TNR: variants seen among roughly 807,000 people sequenced by gnomAD.
TNR encodes the protein tenascin-R.
In TNR, 45 loss-of-function variants were observed where a neutral mutation model predicts 150.4. The observed-to-expected ratio is 0.30, with a 90% CI of 0.24 to 0.38. The LOEUF is 0.38. TNR is among the 10% of genes least tolerant of loss of function. The pLI is 1.00. For missense variants in TNR, 1,544 were observed against 1,759.1 expected (o/e 0.88, Z 2.19); for synonymous variants, 687 against 678.4 (o/e 1.01, Z -0.20).
At chr1:175,661,914 A>G (rs1262156316) in intron 1 of TNR, among the ~76,000 whole-genome samples, 1 of 150,012 alleles carries the variant, frequency 6.7e-6, no homozygotes, top group Non-Finnish European at 1.5e-5. Context: ...GGCTGCATTC[A>G]CTGCTCATAA....
intron 18 of TNR, among the ~76,000 whole-genome samples, chr1:175,341,925 C>G (rs1650539089): frequency 1.3e-5 from 2 of 152,236 alleles, no homozygotes; most frequent in South Asian, 4.1e-4. Flanking sequence ...GCTAGACTGT[C>G]AGGGGCAGCC....
At chr1:175,543,090 T>C (rs1169771639) in intron 1 of TNR, among the ~76,000 whole-genome samples, 2 of 152,062 alleles carry the variant, frequency 1.3e-5, no homozygotes, top group African/African-American at 4.8e-5. Flanking sequence ...CGGCCCCAAA[T>C]TGTCATTTTG....
At chr1:175,380,353 C>T (rs1217371290) in intron 8 of TNR, among the ~76,000 whole-genome samples, 1 of 152,094 alleles carries the variant, frequency 6.6e-6, no homozygotes, top group Non-Finnish European at 1.5e-5. Flanking sequence ...TTGATGGCAC[C>T]TCTGTAAAAG....
intron 1 of TNR, among the ~76,000 whole-genome samples, chr1:175,564,299 A>T (rs1661549937): frequency 6.6e-6 from 1 of 152,098 alleles, no homozygotes; most frequent in Non-Finnish European, 1.5e-5. Flanking sequence ...GCGGCTGCGA[A>T]GTGGGCACCT....
chr1:175,704,499 G>C (rs1666792064), intron 1 of TNR, among the ~76,000 whole-genome samples: 1 of 152,212 alleles, frequency 6.6e-6, no homozygotes, highest in Non-Finnish European at 1.5e-5. Flanking sequence ...TCTGTGTGAA[G>C]TCAAGCAGTA....
chr1:175,491,309 C>T (rs1046856268), intron 2 of TNR, among the ~76,000 whole-genome samples: 11 of 152,166 alleles, frequency 7.2e-5, no homozygotes, highest in Non-Finnish European at 1.5e-5. Flanking sequence ...GTGTAGCTAA[C>T]CACCATGGCA....
chr1:175,440,502 A>T (rs1294364873), intron 2 of TNR, among the ~76,000 whole-genome samples: 2 of 152,004 alleles, frequency 1.3e-5, no homozygotes, highest in African/African-American at 4.8e-5. Flanking sequence ...TGTTGTGCAC[A>T]TGTACCCTAA....
In TNR at chr1:175,579,707, G is replaced by A. The variant is rs1309723875; in HGVS notation, c.-164-51338C>T. On this transcript the variant is annotated intron_variant, in intron 1 of 22. Coordinates refer to ENST00000367674, the MANE Select transcript of TNR (RefSeq NM_003285.3). ...GGGTAAAATGATAGAGAAGAAATGG[G>A]GTAGGAGACAAAGAGGCCAGGGCAG... is the stretch of plus-strand genomic sequence containing the variant. Among the ~76,000 whole-genome samples the A allele has an allele frequency of 2.6e-5, 4 of 151,338 alleles. No individual in the cohort carries two copies. In the East Asian group the frequency reaches 7.7e-4, roughly 29 times the overall value.
At chr1:175,656,141 A>AGAGT (rs1665165263) in intron 1 of TNR, among the ~76,000 whole-genome samples, 2 of 123,828 alleles carry the variant, frequency 1.6e-5, no homozygotes, top group African/African-American at 6.1e-5. Context: ...GGAAGGTTGA[A>AGAGT]GTGTGTGTGT....
chr1:175,591,465 A>G (rs905949800), intron 1 of TNR, among the ~76,000 whole-genome samples: 1 of 152,222 alleles, frequency 6.6e-6, no homozygotes, highest in Non-Finnish European at 1.5e-5. Flanking sequence ...CCTTCAGCAC[A>G]TGCTGCTAGA....
chr1:175,627,086 G>A (rs1047134681), intron 1 of TNR, among the ~76,000 whole-genome samples: 3 of 152,190 alleles, frequency 2.0e-5, no homozygotes, highest in East Asian at 3.8e-4. Context: ...ACATAAAATT[G>A]TCTTGTTTTA....
chr1:175,451,529 T>C (rs1453945138), intron 2 of TNR, among the ~76,000 whole-genome samples: 1 of 152,124 alleles, frequency 6.6e-6, no homozygotes, highest in East Asian at 1.9e-4. Flanking sequence ...TGTGGCTTCC[T>C]GCAGGGGAAG....
In TNR at chr1:175,365,964, T is replaced by C; in HGVS notation, c.2228A>G (p.Asp743Gly). 2 of 1,614,080 alleles carry C rather than the reference T, an allele frequency of 1.2e-6. No individual in the cohort carries two copies. Among genetic ancestry groups the C allele is most frequent in the Non-Finnish European group, 1.7e-6 (2 of 1,179,990 alleles). The change falls in exon 11 of 23, where the codon GAT becomes GGT. Residue 743 changes from aspartate to glycine, a missense_variant. Around this residue, in one of 2 missense-constraint regions of TNR, gnomAD observed 1,254 missense variants for 1,329.4 expected, o/e 0.94. Coordinates refer to ENST00000367674, the MANE Select transcript of TNR (RefSeq NM_003285.3). ...GATGTACTCTGCCCCAGGCTCTAGATCTGTTAGTGTGTATGAGGTCCTGTC... is the reference window on the plus strand; with the variant it reads ...GATGTACTCTGCCCCAGGCTCTAGACCTGTTAGTGTGTATGAGGTCCTGTC... ...PKDRTSYTLT[D>G]LEPGAEYIIS...
intron 2 of TNR, among the ~76,000 whole-genome samples, chr1:175,439,303 G>A (rs941232862): frequency 3.4e-4 from 51 of 152,184 alleles, no homozygotes; most frequent in Non-Finnish European, 3.7e-4. Context: ...AAATGGTGCT[G>A]GGAAAACTGG....
At chr1:175,341,367 C>T (rs369696639) in intron 18 of TNR, among the ~76,000 whole-genome samples, 1 of 152,108 alleles carries the variant, frequency 6.6e-6, no homozygotes, top group African/African-American at 2.4e-5. Flanking sequence ...TTAGCACAGG[C>T]TGTGGTGATT....
intron 2 of TNR, among the ~76,000 whole-genome samples, chr1:175,476,678 G>A (rs1245456713): frequency 6.6e-6 from 1 of 152,184 alleles, no homozygotes; most frequent in Non-Finnish European, 1.5e-5. Context: ...GGAAAGTGGA[G>A]TAATTTATCT....
chr1:175,345,497 AT>A (rs1187155651), intron 18 of TNR, among the ~76,000 whole-genome samples: 1 of 152,206 alleles, frequency 6.6e-6, no homozygotes, highest in African/African-American at 2.4e-5. Flanking sequence ...ATAAAAAAGG[AT>A]TTTTTAAAAA....
chr1:175,514,894 C>T (rs1300652218), intron 2 of TNR, among the ~76,000 whole-genome samples: 1 of 152,212 alleles, frequency 6.6e-6, no homozygotes, highest in African/African-American at 2.4e-5. Flanking sequence ...ATGGTCACCA[C>T]ATGGTTTGTG....
At chr1:175,618,635 T>C (rs1046701915) in intron 1 of TNR, among the ~76,000 whole-genome samples, 11 of 152,310 alleles carry the variant, frequency 7.2e-5, no homozygotes, top group African/African-American at 2.2e-4. Flanking sequence ...AGGGCACTGC[T>C]TTGCTCAGGA....
Sources: allele counts gnomAD v4.1 joint callset (sites outside exome capture counted in the v4.1 genomes callset), GRCh38; gene constraint gnomAD v4.1.1; regional missense constraint gnomAD v4.1.1; transcripts MANE v1.5; gene names NCBI Gene and HGNC (gene_info 2026-07-23, HGNC 2026-07-21).